Variants in ADAM10 observed in about 807,000 individuals in gnomAD.
ADAM10 encodes disintegrin and metalloproteinase domain-containing protein 10.
ADAM10 carries 17 observed loss-of-function variants against 90.1 expected under a neutral mutation model. The observed-to-expected ratio is 0.19, with a 90% CI of 0.13 to 0.28. ADAM10 has a LOEUF of 0.28. Among genes scored for constraint, ADAM10 ranks in the 10% least tolerant of loss-of-function variants. ADAM10 has a pLI of 1.00. For synonymous variants in ADAM10, 310 were observed against 298.6 expected, an observed-to-expected ratio of 1.04 and a Z score of -0.40; for missense variants, 610 against 914.3, an observed-to-expected ratio of 0.67 and a Z score of 4.29.
intron 4 of ADAM10, among the ~76,000 whole-genome samples, chr15:58,669,076 G>A (rs1897139108): frequency 1.3e-5 from 2 of 152,034 alleles, no homozygotes; most frequent in African/African-American, 2.4e-5. Flanking sequence ...ATTTTTAACT[G>A]CATTAATTTA....
intron 9 of ADAM10, among the ~76,000 whole-genome samples, chr15:58,631,699 G>A (rs1596009556): frequency 1.3e-5 from 2 of 152,320 alleles, no homozygotes; most frequent in South Asian, 4.1e-4. Flanking sequence ...CCCCTGGTAA[G>A]GCCTGGAACC....
chr15:58,696,916 G>T (rs1897995773), intron 2 of ADAM10, among the ~76,000 whole-genome samples: 1 of 152,092 alleles, frequency 6.6e-6, no homozygotes, highest in African/African-American at 2.4e-5. Context: ...CCCCAACAAG[G>T]CTGTACCCTG....
At chr15:58,693,276 C>G (rs1395997303) in intron 2 of ADAM10, among the ~76,000 whole-genome samples, 1 of 152,196 alleles carries the variant, frequency 6.6e-6, no homozygotes, top group Non-Finnish European at 1.5e-5. Flanking sequence ...CAAGGCTGCA[C>G]AGGGGTGACT....
intron 2 of ADAM10, among the ~76,000 whole-genome samples, chr15:58,684,206 G>A (rs1315250361): frequency 1.3e-5 from 2 of 152,156 alleles, no homozygotes; most frequent in Non-Finnish European, 2.9e-5. Flanking sequence ...ATCCAAGGCT[G>A]ACTGAATCCA....
intron 1 of ADAM10, among the ~76,000 whole-genome samples, chr15:58,724,961 C>A (rs145591794): frequency 6.6e-6 from 1 of 152,158 alleles, no homozygotes; most frequent in East Asian, 1.9e-4. Flanking sequence ...GAGGCCAAGG[C>A]GGGTGGATTG....
intron 5 of ADAM10, among the ~76,000 whole-genome samples, chr15:58,649,106 T>C (rs936651362): frequency 2.6e-5 from 4 of 152,260 alleles, no homozygotes; most frequent in Admixed American, 6.5e-5. Context: ...AATTTTATTA[T>C]CTTCTATTTG....
Position 58,688,786 on chromosome 15 carries a change from A to ATATATATATATATATATCTCTC in ADAM10, c.207-6473_207-6472insGAGAGATATATATATATATATA. ...AAAAATTATATATATATATATATAT[A>ATATATATATATATATATCTCTC]TCTCTCTCTCTCACTGGACTGACTT... On this transcript the variant is annotated intron_variant, in intron 2 of 15. Coordinates refer to ENST00000260408, the MANE Select transcript of ADAM10 (RefSeq NM_001110.4). 1.2e-3 allele frequency among the ~76,000 whole-genome samples: 151 copies of ATATATATATATATATATCTCTC among 122,296 alleles called. 1 individual carries two copies. Among genetic ancestry groups the ATATATATATATATATATCTCTC allele is most frequent in the East Asian group, 9.7e-3 (35 of 3,622 alleles). 80.2% of individuals were successfully genotyped at this position (122,296 alleles called of 152,430 possible).
intron 2 of ADAM10, chr15:58,692,218 C>G (rs778826093): frequency 1.7e-6 from 1 of 575,596 alleles, no homozygotes; most frequent in South Asian, 1.4e-5. Context: ...CAGCAATGCC[C>G]TGAATTCCAA....
chr15:58,651,462 TA>T (rs1246443333), intron 5 of ADAM10, among the ~76,000 whole-genome samples: 1 of 152,178 alleles, frequency 6.6e-6, no homozygotes, highest in African/African-American at 2.4e-5. Flanking sequence ...CTCCATGAGT[TA>T]AATTGTTTTA....
At chr15:58,724,848 G>A (rs1898976930) in intron 1 of ADAM10, among the ~76,000 whole-genome samples, 1 of 152,168 alleles carries the variant, frequency 6.6e-6, no homozygotes, top group African/African-American at 2.4e-5. Context: ...GTAATGTATG[G>A]AGCATTGCTA....
intron 1 of ADAM10, among the ~76,000 whole-genome samples, chr15:58,721,737 T>C: frequency 6.6e-6 from 1 of 152,106 alleles, no homozygotes; most frequent in Non-Finnish European, 1.5e-5. Context: ...AATTAAAAAT[T>C]AGCCAGGTGG....
chr15:58,708,893 G>A (rs1182002418), intron 2 of ADAM10, among the ~76,000 whole-genome samples: 1 of 152,020 alleles, frequency 6.6e-6, no homozygotes, highest in Non-Finnish European at 1.5e-5. Context: ...ACCTGCAGAG[G>A]TACAGAATGA....
At chr15:58,672,786 C>CAAAAAAAAAAAAAAAAAAAAAAAAAAAAA (rs58659295) in intron 4 of ADAM10, 12 of 60,832 alleles carry the variant, frequency 2.0e-4, no homozygotes, top group African/African-American at 6.6e-4. Flanking sequence ...CCTCATGCAG[C>CAAAAAAAAAAAAAAAAAAAAAAAAAAAAA]AAAAAAAAAA....
At chr15:58,721,286 C>T (rs1898843147) in intron 1 of ADAM10, among the ~76,000 whole-genome samples, 1 of 152,132 alleles carries the variant, frequency 6.6e-6, no homozygotes, top group Admixed American at 6.6e-5. Flanking sequence ...GAACATGATT[C>T]ATAGGGTTTA....
chr15:58,675,326 A>AT (rs1897285494), intron 4 of ADAM10, among the ~76,000 whole-genome samples: 1 of 152,212 alleles, frequency 6.6e-6, no homozygotes, highest in East Asian at 1.9e-4. Flanking sequence ...TAATTTGGAG[A>AT]TTAAGTATTT....
At chr15:58,701,014 C>CAAAAAAAAAAAAAAAA (rs1257060994) in intron 2 of ADAM10, among the ~76,000 whole-genome samples, 7 of 44,860 alleles carry the variant, frequency 1.6e-4, no homozygotes, top group East Asian at 4.1e-4. Flanking sequence ...TAAAAAAAAA[C>CAAAAAAAAAAAAAAAA]AAAAAAACAA....
intron 11 of ADAM10, among the ~76,000 whole-genome samples, chr15:58,616,381 C>G (rs1198423703): frequency 1.3e-5 from 2 of 152,140 alleles, no homozygotes; most frequent in Non-Finnish European, 2.9e-5. Flanking sequence ...ACATATTAGG[C>G]TATAAAACAA....
chr15:58,682,089 T>C (rs1441494388), intron 3 of ADAM10, 107 bp downstream of exon 3: 1 of 1,510,076 alleles, frequency 6.6e-7, no homozygotes, highest in Non-Finnish European at 9.0e-7. Context: ...TTCAACCTCC[T>C]CTGGATTTAT....
intron 11 of ADAM10, among the ~76,000 whole-genome samples, chr15:58,615,238 C>T (rs1183861558): frequency 7.2e-6 from 1 of 137,942 alleles, no homozygotes; most frequent in Non-Finnish European, 1.5e-5. Context: ...TGCACCACTG[C>T]ACTCGAGCCT....
Sources: gnomAD v4.1 joint callset for allele counts (sites outside exome capture counted in the v4.1 genomes callset) on GRCh38, gnomAD v4.1.1 for gene constraint, MANE v1.5 for transcripts, NCBI Gene and HGNC (gene_info 2026-07-23, HGNC 2026-07-21) for gene names.